JAK1: variants seen among roughly 807,000 people sequenced by gnomAD.
JAK1 encodes Janus kinase 1.
JAK1 carries 16 observed loss-of-function variants against 136.6 expected under a neutral mutation model. The observed-to-expected ratio is 0.12, with a 90% CI of 0.08 to 0.18. The LOEUF is 0.18. JAK1 is among the 10% of genes least tolerant of loss of function. The pLI, the probability that JAK1 is intolerant of heterozygous loss-of-function variation, is 1.00. For missense variants in JAK1, 859 were observed against 1,450.1 expected (o/e 0.59, Z 6.62); for synonymous variants, 492 against 519.5 (o/e 0.95, Z 0.72).
At chr1:64,885,979 T>C (rs760516465) in intron 2 of JAK1, among the ~76,000 whole-genome samples, 48 of 152,204 alleles carry the variant, frequency 3.2e-4, no homozygotes, top group Non-Finnish European at 6.0e-4. Context: ...ATTATGCACA[T>C]GCATATTAAA....
At chr1:64,849,672 C>T (rs1395329794) in intron 12 of JAK1, among the ~76,000 whole-genome samples, 8 of 152,256 alleles carry the variant, frequency 5.3e-5, no homozygotes, top group Admixed American at 3.3e-4. Context: ...GTGCCTCGCA[C>T]GTGTAATGCT....
chr1:65,048,403 T>C (rs1431843374), intron 1 of JAK1, among the ~76,000 whole-genome samples: 1 of 152,188 alleles, frequency 6.6e-6, no homozygotes, highest in Non-Finnish European at 1.5e-5. Flanking sequence ...AGACTTTCAA[T>C]GTGCTCAGGA....
intron 1 of JAK1, among the ~76,000 whole-genome samples, chr1:64,956,554 A>C (rs1646191745): frequency 6.6e-6 from 1 of 152,088 alleles, no homozygotes; most frequent in African/African-American, 2.4e-5. Context: ...CACTACCCAT[A>C]CCTTGCTAAC....
chr1:64,878,052 T>C (rs996401476), intron 4 of JAK1, among the ~76,000 whole-genome samples: 3 of 152,174 alleles, frequency 2.0e-5, no homozygotes, highest in African/African-American at 4.8e-5. Context: ...CCAAAAATAG[T>C]AGCTATGATA....
intron 1 of JAK1, among the ~76,000 whole-genome samples, chr1:65,056,863 G>A (rs974998676): frequency 1.3e-5 from 2 of 148,980 alleles, no homozygotes; most frequent in Non-Finnish European, 3.0e-5. Flanking sequence ...GGCAGAGGTT[G>A]CAGTGAACCA....
chr1:64,833,735 A>AAAG lies in JAK1; in HGVS notation c.*824_*826dup, dbSNP rs1294338515. The AAAG allele has an allele frequency of 1.3e-5, 3 of 232,994 alleles. No individual in the cohort carries two copies. The highest frequency in any genetic ancestry group is 6.6e-5 in the African/African-American group (3 of 45,346). The allele number at this position is 232,994 out of a possible 1,614,324, so 14.4% of individuals were successfully genotyped here. A position where few individuals can be genotyped will look rare whatever the true frequency, so the allele number is the denominator to read the frequency against. On this transcript the variant is annotated 3_prime_UTR_variant, in exon 25 of 25. Transcript: ENST00000342505. ...AACCAGTGCTGGAATAGCTTGCCCC[A>AAAG]AAGTGGTAGAGTTATAAAAGGATAT...
At chr1:65,053,270 C>G (rs111262286) in intron 1 of JAK1, among the ~76,000 whole-genome samples, 36 of 152,026 alleles carry the variant, frequency 2.4e-4, no homozygotes, top group African/African-American at 8.4e-4. Flanking sequence ...TCGCTTGACC[C>G]GGGAGGCGGA....
chr1:65,057,842 T>C (rs760450948), intron 1 of JAK1: 2 of 154,786 alleles, frequency 1.3e-5, no homozygotes, highest in African/African-American at 2.4e-5. Flanking sequence ...AGCAATAACA[T>C]AGGCATTCAG....
intron 2 of JAK1, among the ~76,000 whole-genome samples, chr1:65,038,104 A>T (rs1647092667): frequency 6.6e-6 from 1 of 151,966 alleles, no homozygotes; most frequent in South Asian, 2.1e-4. Context: ...CCGGGTGCAC[A>T]ACCTGTGCAA....
chr1:64,933,602 G>C (rs1645735950), intron 1 of JAK1, among the ~76,000 whole-genome samples: 1 of 152,190 alleles, frequency 6.6e-6, no homozygotes. Flanking sequence ...CTCTTCAACA[G>C]AAGTTATTCA....
intron 2 of JAK1, among the ~76,000 whole-genome samples, chr1:64,975,601 C>T (rs1646491377): frequency 6.6e-6 from 1 of 152,214 alleles, no homozygotes; most frequent in East Asian, 1.9e-4. Context: ...TTGCATGGCC[C>T]ATTTCCCTCA....
intron 2 of JAK1, chr1:64,979,527 C>T (rs1569808129): frequency 6.6e-6 from 1 of 152,220 alleles, no homozygotes; most frequent in Non-Finnish European, 1.5e-5. Flanking sequence ...AGGTCTATGG[C>T]ATCCAACACT....
At chr1:64,910,861 A>G (rs901524883) in intron 1 of JAK1, among the ~76,000 whole-genome samples, 1 of 151,716 alleles carries the variant, frequency 6.6e-6, no homozygotes, top group Admixed American at 6.6e-5. Flanking sequence ...AAAAAAAAAA[A>G]AATCAACATA....
rs1646583948 is a variant in JAK1, at chr1:64,984,946, T to G, written c.-78+59534A>C. ...AGTTCAGCCACAATAAACCAGGGAA[T>G]GTGGTCTGGCCCAATTTCAAAGAAG... On this transcript the variant is annotated intron_variant, in intron 2 of 25. Coordinates refer to the JAK1 transcript ENST00000671954. The surrounding 1 kb of genome is among the most constrained non-coding windows in gnomAD (Gnocchi z 4.1). 9.3e-7 allele frequency: 1 copy of G among 1,069,678 alleles called. No individual in the cohort carries two copies. The highest frequency in any genetic ancestry group is 1.5e-6 in the Non-Finnish European group (1 of 688,108). The allele number at this position is 1,069,678 out of a possible 1,614,324, so 66.3% of individuals were successfully genotyped here.
At chr1:64,959,218 C>T (rs1646241867) in intron 1 of JAK1, among the ~76,000 whole-genome samples, 2 of 152,122 alleles carry the variant, frequency 1.3e-5, no homozygotes, top group South Asian at 4.1e-4. Context: ...AGAAACCAGT[C>T]CAACATATAC....
At chr1:64,987,179 C>G (rs1646607978) in intron 2 of JAK1, 1 of 152,156 alleles carries the variant, frequency 6.6e-6, no homozygotes, top group Non-Finnish European at 1.5e-5. Context: ...CTTTAGTTTC[C>G]CAGAGTACTT....
intron 1 of JAK1, among the ~76,000 whole-genome samples, chr1:64,936,058 G>C (rs936863224): frequency 6.6e-6 from 1 of 152,148 alleles, no homozygotes; most frequent in Non-Finnish European, 1.5e-5. Context: ...CCTTACTCCA[G>C]TGTCAATATG....
Position 64,833,427 on chromosome 1 carries a change from CAA to C in JAK1, c.*1133_*1134del, listed in dbSNP as rs1221786974. 1.3e-5 allele frequency: 3 copies of C among 232,764 alleles called. No homozygotes were observed. The highest frequency in any genetic ancestry group is 2.2e-5 in the African/African-American group (1 of 45,244). The allele number at this position is 232,764 out of a possible 1,614,324, so 14.4% of individuals were successfully genotyped here. On this transcript the variant is annotated 3_prime_UTR_variant, in exon 25 of 25. Transcript: ENST00000342505. Reference sequence around the variant, plus strand: ...ATCAAACGAATACTAAACAGCATAACAAAAAGATTTTCAGACTCTTGGTCATA... The same window carrying C: ...ATCAAACGAATACTAAACAGCATAACAAAGATTTTCAGACTCTTGGTCATA...
intron 9 of JAK1, chr1:64,859,558 T>A (rs1285221423): frequency 2.0e-5 from 3 of 152,328 alleles, no homozygotes; most frequent in African/African-American, 7.2e-5. Context: ...ACTGTTCACC[T>A]GGCACCTTGG....
Sources: gnomAD v4.1 joint callset for allele counts (sites outside exome capture counted in the v4.1 genomes callset) on GRCh38, gnomAD v4.1.1 for gene constraint, Gnocchi (gnomAD v3.1) non-coding constraint, MANE v1.5 for transcripts, NCBI Gene and HGNC (gene_info 2026-07-23, HGNC 2026-07-21) for gene names.